KCNQ1: variants seen among roughly 807,000 people sequenced by gnomAD.
KCNQ1 encodes potassium voltage-gated channel subfamily KQT member 1.
KCNQ1 carries 49 observed loss-of-function variants against 72.4 expected under a neutral mutation model. That is an observed-to-expected ratio of 0.68 (90% CI 0.54 to 0.86). KCNQ1 has a LOEUF of 0.86. Ranked by LOEUF, KCNQ1 falls within the 40% of genes least tolerant of loss-of-function variation. The pLI is 0.00. For synonymous variants in KCNQ1, 450 were observed against 412.6 expected, an observed-to-expected ratio of 1.09 and a Z score of -1.10; for missense variants, 790 against 945.1, an observed-to-expected ratio of 0.84 and a Z score of 2.15.
chr11:2,503,167 C>CA (rs1161466109), intron 1 of KCNQ1, among the ~76,000 whole-genome samples: 2 of 152,044 alleles, frequency 1.3e-5, no homozygotes, highest in African/African-American at 2.4e-5. Flanking sequence ...GCAACCGAAG[C>CA]AAAAATGGAC....
At chr11:2,634,024 T>G (rs975317714) in intron 10 of KCNQ1, 1 of 398,538 alleles carries the variant, frequency 2.5e-6, no homozygotes, top group African/African-American at 2.1e-5. Flanking sequence ...GTGTAGTGCC[T>G]CCAGCTTCAT....
intron 15 of KCNQ1, among the ~76,000 whole-genome samples, chr11:2,800,303 G>T (rs2134023985): frequency 6.6e-6 from 1 of 152,378 alleles, no homozygotes; most frequent in Non-Finnish European, 1.5e-5. Context: ...GCAAAGAGGG[G>T]GCTGACAGCC....
Position 2,786,011 on chromosome 11 carries a change from A to G in KCNQ1, c.1794+7974A>G, listed in dbSNP as rs182448338. On this transcript the variant is annotated intron_variant, in intron 15 of 15. Transcript: ENST00000155840. Reference sequence around the variant, plus strand: ...TAATTGGTAGTGTTTTATACAATCAATATTTGTTTAAATTTACTCACCCAT... The same window carrying G: ...TAATTGGTAGTGTTTTATACAATCAGTATTTGTTTAAATTTACTCACCCAT... Among the ~76,000 whole-genome samples, 424 of 152,164 alleles carry G rather than the reference A, an allele frequency of 2.8e-3. 1 individual carries two copies. The highest frequency in any genetic ancestry group is 9.6e-3 in the African/African-American group (398 of 41,542).
At chr11:2,503,786 A>AC (rs1404080488) in intron 1 of KCNQ1, among the ~76,000 whole-genome samples, 1 of 152,088 alleles carries the variant, frequency 6.6e-6, no homozygotes, top group Non-Finnish European at 1.5e-5. Flanking sequence ...ATGAGATATG[A>AC]CCCCACCCTG....
chr11:2,610,714 G>T (rs1156571926), intron 10 of KCNQ1: 23 of 359,434 alleles, frequency 6.4e-5, no homozygotes, highest in African/African-American at 4.9e-4. Flanking sequence ...ATTCTTGGTT[G>T]GCTTTTTTTT....
chr11:2,821,010 T>A (rs1161259694), intron 15 of KCNQ1, among the ~76,000 whole-genome samples: 1 of 152,232 alleles, frequency 6.6e-6, no homozygotes, highest in Non-Finnish European at 1.5e-5. Context: ...AGCGAGGGGT[T>A]CCTTAACCTG....
At chr11:2,707,744 C>G (rs1368744207) in intron 11 of KCNQ1, among the ~76,000 whole-genome samples, 1 of 152,216 alleles carries the variant, frequency 6.6e-6, no homozygotes, top group Non-Finnish European at 1.5e-5. Context: ...AGGGATTGGG[C>G]AGGCCTTAGG....
intron 15 of KCNQ1, among the ~76,000 whole-genome samples, chr11:2,829,293 C>T (rs1847897584): frequency 1.3e-5 from 2 of 152,030 alleles, no homozygotes; most frequent in African/African-American, 2.4e-5. Context: ...CCTGCTAAGA[C>T]TCCAGGAAGA....
chr11:2,588,692 C>T lies in KCNQ1; in HGVS notation c.1252-21C>T. On this transcript the variant is annotated intron_variant, in intron 9 of 15. Coordinates refer to ENST00000155840, the MANE Select transcript of KCNQ1 (RefSeq NM_000218.3). The surrounding 1 kb of genome is among the most constrained non-coding windows in gnomAD (Gnocchi z 5.6). ...CAGACGATGTCCAGGAACCGCTAAT[C>T]TGTTGTCTTGTTTTTTTTAGGTAAA... The T allele has an allele frequency of 6.2e-7, 1 of 1,612,928 alleles. No homozygotes were observed. The highest frequency in any genetic ancestry group is 2.2e-5 in the East Asian group (1 of 44,864).
rs1456380146 is a variant in KCNQ1 at position 2,562,087 on chromosome 11, G to A, written c.478-8541G>A. On this transcript the variant is annotated intron_variant, in intron 2 of 15. Transcript: ENST00000155840. This position sits in a 1 kb window ranked among gnomAD's most constrained non-coding sequence, Gnocchi z 7.5. Reference sequence around the variant, plus strand: ...GCAGTAAGGCCAGGACAGGGCAGCCGGACCCCGACTGTGCCACCCTCAGCC... The same window carrying A: ...GCAGTAAGGCCAGGACAGGGCAGCCAGACCCCGACTGTGCCACCCTCAGCC... Among the ~76,000 whole-genome samples the A allele has an allele frequency of 2.6e-5, 4 of 152,138 alleles. No homozygotes were observed. The highest frequency in any genetic ancestry group is 3.4e-3 in the Middle Eastern group (1 of 294).
chr11:2,769,506 C>A lies in KCNQ1; in HGVS notation c.1590+587C>A, dbSNP rs163158. ...TGCCCTAACTTCTCCAGGGGCATGT[C>A]CCCCCTACAGAAGCCCCTTAGAGCC... On this transcript the variant is annotated intron_variant, in intron 12 of 15. Coordinates refer to ENST00000155840, the MANE Select transcript of KCNQ1 (RefSeq NM_000218.3). This position sits in a 1 kb window ranked among gnomAD's most constrained non-coding sequence, Gnocchi z 4.6. Among the ~76,000 whole-genome samples the A allele has an allele frequency of 0.12, 18,188 of 152,220 alleles. 1,207 individuals are homozygous for A. Among genetic ancestry groups the A allele is most frequent in the South Asian group, 0.18 (860 of 4,822 alleles).
At position 2,826,720 on chromosome 11, in the gene KCNQ1, C is replaced by A. The variant is rs1057292465; in HGVS notation, c.1795-21047C>A. Among the ~76,000 whole-genome samples the A allele has an allele frequency of 2.0e-5, 3 of 152,230 alleles. No individual in the cohort carries two copies. The highest frequency in any genetic ancestry group is 4.4e-5 in the Non-Finnish European group (3 of 68,030). On this transcript the variant is annotated intron_variant, in intron 15 of 15. Transcript: ENST00000155840. This position sits in a 1 kb window ranked among gnomAD's most constrained non-coding sequence, Gnocchi z 4.2. Reference sequence around the variant, plus strand: ...AGGCACGGGGCTCCCCTGGGCACCCCTCGTCTTGGGGCCCCTGCCCTGCCT... The same window carrying A: ...AGGCACGGGGCTCCCCTGGGCACCCATCGTCTTGGGGCCCCTGCCCTGCCT...
chr11:2,727,405 G>A (rs1389703783), intron 11 of KCNQ1, among the ~76,000 whole-genome samples: 1 of 152,180 alleles, frequency 6.6e-6, no homozygotes, highest in Admixed American at 6.5e-5. Flanking sequence ...ATTCCTGTGT[G>A]AGTCAGGTGT....
intron 6 of KCNQ1, among the ~76,000 whole-genome samples, chr11:2,578,079 A>G (rs2092473258): frequency 2.0e-5 from 3 of 152,358 alleles, no homozygotes; most frequent in South Asian, 4.1e-4. Flanking sequence ...GACAGGCTCT[A>G]GACTGGGTCT....
intron 10 of KCNQ1, chr11:2,632,343 T>G (rs1202597718): frequency 5.0e-6 from 2 of 398,360 alleles, no homozygotes; most frequent in Non-Finnish European, 8.8e-6. Context: ...AATTCTTCCT[T>G]TCTAAATGAT....
intron 11 of KCNQ1, among the ~76,000 whole-genome samples, chr11:2,729,645 C>T (rs1044329725): frequency 3.9e-5 from 6 of 152,206 alleles, no homozygotes; most frequent in African/African-American, 1.2e-4. Context: ...GAGTGGGTCA[C>T]GCAGCATTTG....
chr11:2,690,011 A>G lies in KCNQ1; in HGVS notation c.1514+27930A>G. 2.5e-6 allele frequency: 1 copy of G among 398,904 alleles called. No homozygotes were observed. 24.7% of individuals were successfully genotyped at this position (398,904 alleles called of 1,614,324 possible). A position where few individuals can be genotyped will look rare whatever the true frequency, so the allele number is the denominator to read the frequency against. On this transcript the variant is annotated intron_variant, in intron 11 of 15. Coordinates refer to ENST00000155840, the MANE Select transcript of KCNQ1 (RefSeq NM_000218.3). The surrounding 1 kb of genome is among the most constrained non-coding windows in gnomAD (Gnocchi z 5.1). ...TGCCCAAGCAGAGAACTGTTGAGGA[A>G]GGTGAGCCTTCCGAGGGCCAGCCCT...
intron 11 of KCNQ1, among the ~76,000 whole-genome samples, chr11:2,739,905 AC>A (rs1201725082): frequency 6.6e-6 from 1 of 152,236 alleles, no homozygotes; most frequent in Non-Finnish European, 1.5e-5. Context: ...CAGAGGCCTC[AC>A]CAGTGGGATC....
chr11:2,588,902 T>C lies in KCNQ1; in HGVS notation c.1393+48T>C, dbSNP rs1228510742. The stretch of plus-strand genomic sequence containing the variant: ...GGGGCCGCGGGGCCGGGAAGGTCAC[T>C]GCCTTTTTTGGGAGCCCGAGCAAGC... On this transcript the variant is annotated intron_variant, in intron 10 of 15. Transcript: ENST00000155840. The surrounding 1 kb of genome is among the most constrained non-coding windows in gnomAD (Gnocchi z 5.6). The C allele has an allele frequency of 6.2e-7, 1 of 1,602,846 alleles. No individual in the cohort carries two copies. Among genetic ancestry groups the C allele is most frequent in the African/African-American group, 1.3e-5 (1 of 74,768 alleles).
Sources: gnomAD v4.1 joint callset for allele counts (sites outside exome capture counted in the v4.1 genomes callset) on GRCh38, gnomAD v4.1.1 for gene constraint, Gnocchi (gnomAD v3.1) non-coding constraint, MANE v1.5 for transcripts, NCBI Gene and HGNC (gene_info 2026-07-23, HGNC 2026-07-21) for gene names.